Variants in CDH13 observed in about 807,000 individuals in gnomAD.
CDH13 encodes cadherin-13.
In CDH13, 24 loss-of-function variants were observed where a neutral mutation model predicts 63.8. That is an observed-to-expected ratio of 0.38 (90% CI 0.27 to 0.53). The LOEUF (loss-of-function observed/expected upper bound fraction) is 0.53. Among genes scored for constraint, CDH13 ranks in the 20% least tolerant of loss-of-function variants. CDH13 has a pLI of 0.85. For synonymous variants in CDH13, 503 were observed against 355.3 expected, an observed-to-expected ratio of 1.42 and a Z score of -4.67; for missense variants, 1,049 against 903.1, an observed-to-expected ratio of 1.16 and a Z score of -2.07.
intron 3 of CDH13, among the ~76,000 whole-genome samples, chr16:83,106,735 C>G (rs945435257): frequency 2.0e-5 from 3 of 152,166 alleles, no homozygotes; most frequent in Non-Finnish European, 1.5e-5. Flanking sequence ...TGCTCACACC[C>G]TTCCACTTCA....
rs1487464108 is a variant in CDH13, at chr16:83,535,904, AG to A, written c.960+49251del. ...GAGAAAGAGAAACAAAGAAAAGAAA[AG>A]GAAAAAAAGGAAAGAAGGAAAGAAG... On this transcript the variant is annotated intron_variant, in intron 7 of 13. Transcript: ENST00000567109. 4.0e-5 allele frequency among the ~76,000 whole-genome samples: 6 copies of A among 151,566 alleles called. No individual in the cohort carries two copies. The East Asian group carries it at 5.8e-4, about 15-fold the overall frequency.
At chr16:83,717,345 C>T (rs938089569) in intron 10 of CDH13, among the ~76,000 whole-genome samples, 19 of 152,186 alleles carry the variant, frequency 1.2e-4, no homozygotes, top group Non-Finnish European at 2.9e-5. Flanking sequence ...TGACTTCTTC[C>T]CCACTTTTTG....
intron 5 of CDH13, among the ~76,000 whole-genome samples, chr16:83,328,476 A>G (rs1341945794): frequency 6.6e-6 from 1 of 152,216 alleles, no homozygotes. Context: ...ACATAGGATG[A>G]TTGGAAAGCA....
At chr16:83,521,350 A>T (rs1347660686) in intron 7 of CDH13, among the ~76,000 whole-genome samples, 1 of 152,190 alleles carries the variant, frequency 6.6e-6, no homozygotes, top group Non-Finnish European at 1.5e-5. Context: ...TTTAGGAAAA[A>T]AAAAAAGAAT....
chr16:82,790,739 C>T (rs144590347), intron 1 of CDH13, among the ~76,000 whole-genome samples: 19 of 152,238 alleles, frequency 1.2e-4, no homozygotes, highest in African/African-American at 4.1e-4. Context: ...TGATTGTTTA[C>T]CAGGCAGCAG....
intron 7 of CDH13, among the ~76,000 whole-genome samples, chr16:83,528,636 T>A (rs1371573808): frequency 6.6e-6 from 1 of 152,226 alleles, no homozygotes; most frequent in African/African-American, 2.4e-5. Flanking sequence ...TCCAACTGTT[T>A]CCATCTATCT....
intron 6 of CDH13, among the ~76,000 whole-genome samples, chr16:83,467,936 G>A (rs946586365): frequency 6.6e-6 from 1 of 152,194 alleles, no homozygotes; most frequent in Non-Finnish European, 1.5e-5. Context: ...GGCTTTCTGT[G>A]AGGTAGGATG....
At chr16:82,934,056 C>A (rs1197158544) in intron 2 of CDH13, among the ~76,000 whole-genome samples, 1 of 152,228 alleles carries the variant, frequency 6.6e-6, no homozygotes, top group Non-Finnish European at 1.5e-5. Flanking sequence ...CACAGCTCAA[C>A]TAGGCAGTGC....
chr16:83,061,029 C>G (rs747992265), intron 3 of CDH13, among the ~76,000 whole-genome samples: 1 of 152,190 alleles, frequency 6.6e-6, no homozygotes, highest in Admixed American at 6.5e-5. Context: ...AATACAAGTT[C>G]CTTGGCACAA....
intron 7 of CDH13, among the ~76,000 whole-genome samples, chr16:83,575,708 C>G (rs945703127): frequency 1.3e-5 from 2 of 152,216 alleles, no homozygotes; most frequent in Admixed American, 1.3e-4. Context: ...GCTTCCTGGT[C>G]TCTGAGAGAC....
Position 83,257,859 on chromosome 16 carries a change from G to A in CDH13, c.636+40362G>A, listed in dbSNP as rs1196919067. ...GAATCGCCATACTATCTTCCACAAT[G>A]GTTAAACTCATTTACACTTCCACCA... is the stretch of plus-strand genomic sequence containing the variant. On this transcript the variant is annotated intron_variant, in intron 5 of 13. Transcript: ENST00000567109. Among the ~76,000 whole-genome samples the A allele has an allele frequency of 4.6e-5, 7 of 152,238 alleles. No individual in the cohort carries two copies. The South Asian group carries it at 1.5e-3, about 32-fold the overall frequency.
At chr16:82,809,785 G>T (rs2037349573) in intron 1 of CDH13, among the ~76,000 whole-genome samples, 1 of 152,018 alleles carries the variant, frequency 6.6e-6, no homozygotes, top group Non-Finnish European at 1.5e-5. Context: ...GAGCCGTTTC[G>T]CTAACAAGTC....
At chr16:83,350,213 G>A (rs771429684) in intron 6 of CDH13, among the ~76,000 whole-genome samples, 8 of 152,194 alleles carry the variant, frequency 5.3e-5, no homozygotes, top group Admixed American at 1.3e-4. Flanking sequence ...TGTAGGTTGT[G>A]TTCGCTCTCC....
chr16:83,689,130 T>G (rs1048594961), intron 10 of CDH13, among the ~76,000 whole-genome samples: 4 of 152,248 alleles, frequency 2.6e-5, no homozygotes, highest in Admixed American at 6.5e-5. Context: ...CTTTCATTAT[T>G]GAAAACATGG....
intron 5 of CDH13, among the ~76,000 whole-genome samples, chr16:83,271,394 G>A (rs1322431397): frequency 9.9e-6 from 1 of 101,486 alleles, no homozygotes; most frequent in Non-Finnish European, 1.8e-5. Context: ...CTAGACACCA[G>A]CTCTACCGCA....
chr16:82,873,875 CTT>C (rs1335128766), intron 2 of CDH13, among the ~76,000 whole-genome samples: 1 of 152,132 alleles, frequency 6.6e-6, no homozygotes, highest in Non-Finnish European at 1.5e-5. Context: ...CTGAGACTCT[CTT>C]TTAAGTATTT....
At chr16:82,769,821 A>G (rs2035194706) in intron 1 of CDH13, among the ~76,000 whole-genome samples, 1 of 152,264 alleles carries the variant, frequency 6.6e-6, no homozygotes, top group Non-Finnish European at 1.5e-5. Flanking sequence ...TTGCAATTAA[A>G]AAGCAAAATT....
At chr16:83,353,639 G>T (rs1382813904) in intron 6 of CDH13, among the ~76,000 whole-genome samples, 3 of 152,038 alleles carry the variant, frequency 2.0e-5, no homozygotes, top group Non-Finnish European at 4.4e-5. Flanking sequence ...TGCATCTCTG[G>T]GGCTGGAGAT....
chr16:83,770,695 C>G (rs559103121), intron 11 of CDH13, among the ~76,000 whole-genome samples: 31 of 152,238 alleles, frequency 2.0e-4, no homozygotes, highest in Non-Finnish European at 4.1e-4. Flanking sequence ...AGAGTAACCT[C>G]CTGATGTTGC....
Sources: allele counts gnomAD v4.1 joint callset (sites outside exome capture counted in the v4.1 genomes callset), GRCh38; gene constraint gnomAD v4.1.1; transcripts MANE v1.5; gene names NCBI Gene and HGNC (gene_info 2026-07-23, HGNC 2026-07-21).